The following CDKL1 variants were observed in gnomAD, a reference collection of about 807,000 sequenced individuals.
CDKL1 encodes the protein cyclin-dependent kinase-like 1.
Under a neutral mutation model 42.0 loss-of-function variants are expected in CDKL1, and 41 were observed. That is an observed-to-expected ratio of 0.98 (90% CI 0.76 to 1.27). The LOEUF is 1.27. Ranked by LOEUF, CDKL1 falls within the 50% of genes most tolerant of loss-of-function variation. The pLI, the probability that CDKL1 is intolerant of heterozygous loss-of-function variation, is 0.00. For synonymous variants in CDKL1, 153 were observed against 158.6 expected (o/e 0.96, Z 0.26); for missense variants, 394 against 428.4 (o/e 0.92, Z 0.71).
chr14:50,388,414 G>T (rs972072288), intron 2 of CDKL1, among the ~76,000 whole-genome samples: 1 of 152,210 alleles, frequency 6.6e-6, no homozygotes, highest in African/African-American at 2.4e-5. Flanking sequence ...GCATGTGCCT[G>T]TCACCATGAT....
intron 2 of CDKL1, among the ~76,000 whole-genome samples, chr14:50,367,776 G>A (rs11157740): frequency 6.6e-6 from 1 of 151,918 alleles, no homozygotes; most frequent in Non-Finnish European, 1.5e-5. Flanking sequence ...TAATCTTGAA[G>A]CTCTTGGTGC....
chr14:50,358,980 C>T (rs1408679683), intron 3 of CDKL1, 48 bp downstream of exon 3: 5 of 1,581,108 alleles, frequency 3.2e-6, no homozygotes, highest in Middle Eastern at 1.7e-4. Context: ...TTTTCGCTCA[C>T]AAATCCCAGT....
chr14:50,393,737 T>C (rs1350966509), intron 2 of CDKL1, among the ~76,000 whole-genome samples: 1 of 152,172 alleles, frequency 6.6e-6, no homozygotes, highest in Non-Finnish European at 1.5e-5. Flanking sequence ...GTCCCACCAT[T>C]TCATAGAGAT....
intron 3 of CDKL1, among the ~76,000 whole-genome samples, chr14:50,351,667 G>A (rs947500255): frequency 1.3e-5 from 2 of 151,664 alleles, no homozygotes; most frequent in Middle Eastern, 3.2e-3. Flanking sequence ...CCTGGGAGGC[G>A]GAGGTTGCAG....
At chr14:50,336,135 G>A (rs753367156) in intron 7 of CDKL1, 1 of 1,365,698 alleles carries the variant, frequency 7.3e-7, no homozygotes. Flanking sequence ...GGTTGCCTGT[G>A]ATACGCTGGA....
intron 6 of CDKL1, among the ~76,000 whole-genome samples, chr14:50,340,824 A>G (rs1314323728): frequency 6.6e-6 from 1 of 152,232 alleles, no homozygotes; most frequent in East Asian, 1.9e-4. Flanking sequence ...TTTTTGGACA[A>G]TGAGTAAGTA....
chr14:50,389,424 T>C (rs138881183), intron 2 of CDKL1, among the ~76,000 whole-genome samples: 76 of 152,274 alleles, frequency 5.0e-4, no homozygotes, highest in African/African-American at 1.6e-3. Context: ...ACAAATATAC[T>C]ATATATCTGT....
intron 9 of CDKL1, 124 bp from the exon 10 acceptor site, chr14:50,330,305 C>T: frequency 3.3e-6 from 4 of 1,220,066 alleles, no homozygotes; most frequent in Non-Finnish European, 4.4e-6. Flanking sequence ...TGCACACAAT[C>T]CAGGACTTGA....
intron 2 of CDKL1, among the ~76,000 whole-genome samples, chr14:50,362,006 G>T (rs1363194959): frequency 6.6e-6 from 1 of 152,234 alleles, no homozygotes; most frequent in African/African-American, 2.4e-5. Flanking sequence ...GGGCTTGGGG[G>T]GCCCGGCACT....
At chr14:50,376,812 A>G (rs56088652) in intron 2 of CDKL1, among the ~76,000 whole-genome samples, 43,240 of 152,028 alleles carry the variant, frequency 0.28, 6,846 homozygotes, top group African/African-American at 0.4. Context: ...ACTGACAAAA[A>G]TCTCTGCTCT....
At chr14:50,367,523 T>A (rs1316830334) in intron 2 of CDKL1, among the ~76,000 whole-genome samples, 1 of 152,226 alleles carries the variant, frequency 6.6e-6, no homozygotes, top group Non-Finnish European at 1.5e-5. Flanking sequence ...TCTGCTTCAA[T>A]GCTGAATGGA....
intron 2 of CDKL1, among the ~76,000 whole-genome samples, chr14:50,385,803 CAAAAA>C (rs4027866): frequency 1.3e-5 from 1 of 77,570 alleles, no homozygotes; most frequent in Non-Finnish European, 2.5e-5. Context: ...GACTCCGTCC[CAAAAA>C]AAAAAAAAAA....
At chr14:50,370,547 A>G (rs1267605103) in intron 2 of CDKL1, among the ~76,000 whole-genome samples, 4 of 152,198 alleles carry the variant, frequency 2.6e-5, no homozygotes, top group Admixed American at 6.5e-5. Flanking sequence ...CTCTGCTTCT[A>G]AGAATGTATT....
chr14:50,383,170 A>ACC (rs2034970799), intron 2 of CDKL1, among the ~76,000 whole-genome samples: 2 of 151,200 alleles, frequency 1.3e-5, no homozygotes, highest in African/African-American at 4.9e-5. Flanking sequence ...CTCGTGATCC[A>ACC]TCTGCCTCGG....
At chr14:50,332,635 G>T (rs1461573498) in intron 8 of CDKL1, 1 of 1,518,204 alleles carries the variant, frequency 6.6e-7, no homozygotes, top group Non-Finnish European at 8.8e-7. Flanking sequence ...TCTAGAAGTA[G>T]TAATGAAAAA....
At chr14:50,393,237 G>A (rs2035309173) in intron 2 of CDKL1, among the ~76,000 whole-genome samples, 1 of 152,112 alleles carries the variant, frequency 6.6e-6, no homozygotes, top group African/African-American at 2.4e-5. Flanking sequence ...TTCTTACCAG[G>A]CAAGGGTACA....
intron 5 of CDKL1, 131 bp from the exon 6 acceptor site, chr14:50,341,363 T>C: frequency 7.8e-7 from 1 of 1,279,658 alleles, no homozygotes; most frequent in Non-Finnish European, 1.0e-6. Flanking sequence ...CAATTCTAGT[T>C]GCACATTCAA....
rs1359053914 is a variant in CDKL1, at chr14:50,327,878, A to T, written c.*2196T>A. On this transcript the variant is annotated 3_prime_UTR_variant, in exon 10 of 10. Transcript: ENST00000395834. ...GTGTTTAACAGCTTATACAAATAAC[A>T]CAGTATAAATGGTAATTGCCACTGT... 6.6e-6 allele frequency: 1 copy of T among 152,222 alleles called. No individual in the cohort carries two copies. The highest frequency in any genetic ancestry group is 2.1e-4 in the South Asian group (1 of 4,830). 9.4% of individuals were successfully genotyped at this position (152,222 alleles called of 1,614,324 possible). A position where few individuals can be genotyped will look rare whatever the true frequency, so the allele number is the denominator to read the frequency against.
intron 3 of CDKL1, 125 bp downstream of exon 3, chr14:50,358,903 G>A: frequency 1.1e-6 from 1 of 895,850 alleles, no homozygotes; most frequent in Admixed American, 2.2e-5. Flanking sequence ...GCCTCCCAAA[G>A]TGCTGGGATT....
Sources: allele counts gnomAD v4.1 joint callset (sites outside exome capture counted in the v4.1 genomes callset), GRCh38; gene constraint gnomAD v4.1.1; transcripts MANE v1.5; gene names NCBI Gene and HGNC (gene_info 2026-07-23, HGNC 2026-07-21).